Variants in CSMD3 observed in about 807,000 individuals in gnomAD.
The protein encoded by CSMD3 is CUB and Sushi multiple domains 3, also known as CUB and sushi domain-containing protein 3.
A neutral mutation model predicts 435.2 loss-of-function variants in CSMD3; 177 were observed. The ratio of observed to expected loss-of-function variants is 0.41; its 90% CI spans 0.36 to 0.46. The LOEUF is 0.46. Ranked by LOEUF, CSMD3 falls within the 20% of genes least tolerant of loss-of-function variation. CSMD3 has a pLI of 0.34. For missense variants in CSMD3, 4,265 were observed against 4,504.6 expected, an observed-to-expected ratio of 0.95 and a Z score of 1.52; for synonymous variants, 1,656 against 1,520.5, an observed-to-expected ratio of 1.09 and a Z score of -2.07.
chr8:112,330,357 A>C (rs1823916119), intron 45 of CSMD3, among the ~76,000 whole-genome samples: 1 of 152,152 alleles, frequency 6.6e-6, no homozygotes, highest in African/African-American at 2.4e-5. Context: ...ATAATTATTA[A>C]ATCATATTAT....
intron 30 of CSMD3, among the ~76,000 whole-genome samples, chr8:112,494,538 T>C (rs1821107995): frequency 6.9e-6 from 1 of 145,122 alleles, no homozygotes; most frequent in African/African-American, 2.6e-5. Context: ...TTTCTTTCTT[T>C]CTTTCTTTCT....
intron 2 of CSMD3, among the ~76,000 whole-genome samples, chr8:113,297,036 C>A (rs182511757): frequency 6.6e-6 from 1 of 152,178 alleles, no homozygotes; most frequent in African/African-American, 2.4e-5. Context: ...TTTGTCCTTT[C>A]TTGTATGCTG....
intron 35 of CSMD3, among the ~76,000 whole-genome samples, chr8:112,401,841 T>C (rs1032406): frequency 0.4 from 60,392 of 152,096 alleles, 13,967 homozygotes; most frequent in Middle Eastern, 0.59. Flanking sequence ...TACTCAATGC[T>C]TTCAGCCTTT....
chr8:112,255,940 C>T (rs12675392), intron 61 of CSMD3: 28,198 of 152,460 alleles, frequency 0.18, 3,012 homozygotes, highest in Middle Eastern at 0.34. Flanking sequence ...AAACTTATTG[C>T]CTTCCTCTCC....
chr8:112,585,869 A>G (rs1195372069), intron 23 of CSMD3, among the ~76,000 whole-genome samples: 4 of 151,662 alleles, frequency 2.6e-5, no homozygotes, highest in Admixed American at 1.3e-4. Context: ...CAAGCATCCT[A>G]TTAATCTCAA....
At chr8:113,317,756 T>C (rs925069455) in intron 1 of CSMD3, among the ~76,000 whole-genome samples, 2 of 152,140 alleles carry the variant, frequency 1.3e-5, no homozygotes, top group Non-Finnish European at 2.9e-5. Flanking sequence ...AGTGTTTTTC[T>C]TACTAGGCCT....
chr8:112,995,087 A>ATAAT (rs2085597111), intron 6 of CSMD3, among the ~76,000 whole-genome samples: 2 of 151,592 alleles, frequency 1.3e-5, no homozygotes, highest in African/African-American at 2.4e-5. Context: ...GAAGAGAAAC[A>ATAAT]TAATAGTTAA....
intron 9 of CSMD3, among the ~76,000 whole-genome samples, chr8:112,932,896 C>T (rs547719754): frequency 6.6e-6 from 1 of 152,072 alleles, no homozygotes; most frequent in South Asian, 2.1e-4. Context: ...ATCCAAAATA[C>T]CCTGATTTGA....
intron 61 of CSMD3, 161 bp from the exon 62 acceptor site, chr8:112,255,588 A>T: frequency 1.5e-6 from 1 of 648,310 alleles, no homozygotes. Context: ...GCTTATGTGC[A>T]GATAAATACT....
At chr8:113,023,549 G>A (rs549103463) in intron 5 of CSMD3, among the ~76,000 whole-genome samples, 87 of 152,042 alleles carry the variant, frequency 5.7e-4, no homozygotes, top group Admixed American at 1.8e-3. Flanking sequence ...GTTAGATTAT[G>A]GCCCTATGTT....
chr8:113,417,660 T>A (rs2094588193), intron 1 of CSMD3, among the ~76,000 whole-genome samples: 1 of 152,008 alleles, frequency 6.6e-6, no homozygotes, highest in South Asian at 2.1e-4. Flanking sequence ...TAGGCTGTCT[T>A]ATTTTTTTCT....
intron 13 of CSMD3, among the ~76,000 whole-genome samples, chr8:112,760,896 A>C (rs527350424): frequency 1.1e-4 from 17 of 152,080 alleles, no homozygotes; most frequent in Non-Finnish European, 1.8e-4. Flanking sequence ...TTCTGGATGA[A>C]ACTCTTCTTT....
intron 12 of CSMD3, among the ~76,000 whole-genome samples, chr8:112,807,488 ATAGGTAGG>A (rs34951713): frequency 0.4 from 51,178 of 129,008 alleles, 9,567 homozygotes; most frequent in African/African-American, 0.49. Context: ...GCAATTCTTG[ATAGGTAGG>A]TAGGTAGGTA....
chr8:112,485,583 T>A (rs781693468), intron 31 of CSMD3, among the ~76,000 whole-genome samples: 1 of 152,122 alleles, frequency 6.6e-6, no homozygotes, highest in Non-Finnish European at 1.5e-5. Context: ...AGTCATGCCA[T>A]TTAAACAAAA....
chr8:112,453,219 T>A (rs948271127), intron 32 of CSMD3, among the ~76,000 whole-genome samples: 1 of 152,186 alleles, frequency 6.6e-6, no homozygotes, highest in East Asian at 1.9e-4. Flanking sequence ...AAAAGTATGC[T>A]TATTCTCACC....
chr8:112,847,795 A>G (rs1478260023), intron 11 of CSMD3, among the ~76,000 whole-genome samples: 1 of 152,166 alleles, frequency 6.6e-6, no homozygotes, highest in African/African-American at 2.4e-5. Flanking sequence ...AGTGACAAGA[A>G]TTGTTCAGAT....
chr8:112,324,552 T>C (rs1311503482), intron 45 of CSMD3, among the ~76,000 whole-genome samples: 1 of 151,156 alleles, frequency 6.6e-6, no homozygotes. Context: ...TAGTAGAATT[T>C]AACTAGTTGA....
intron 14 of CSMD3, among the ~76,000 whole-genome samples, chr8:112,689,525 T>G (rs1426225737): frequency 6.6e-6 from 1 of 152,058 alleles, no homozygotes; most frequent in Admixed American, 6.6e-5. Flanking sequence ...AATAAACATA[T>G]ACTATCTTAT....
chr8:112,928,894 A>G (rs1466758441), intron 9 of CSMD3, among the ~76,000 whole-genome samples: 1 of 139,468 alleles, frequency 7.2e-6, no homozygotes, highest in Non-Finnish European at 1.6e-5. Flanking sequence ...ACTAGTTTAC[A>G]GTCCCACCAA....
Sources: allele counts gnomAD v4.1 joint callset (sites outside exome capture counted in the v4.1 genomes callset), GRCh38; gene constraint gnomAD v4.1.1; transcripts MANE v1.5; gene names NCBI Gene and HGNC (gene_info 2026-07-23, HGNC 2026-07-21).